The following KLHL20 variants were observed in gnomAD, a reference collection of about 807,000 sequenced individuals.
KLHL20 encodes kelch like family member 20, also known as kelch-like protein 20.
Under a neutral mutation model 69.5 loss-of-function variants are expected in KLHL20, and 29 were observed. The ratio of observed to expected loss-of-function variants is 0.42; its 90% confidence interval spans 0.31 to 0.57. The LOEUF (loss-of-function observed/expected upper bound fraction) is 0.57, where lower values mean the gene tolerates loss of function less well. Among genes scored for constraint, KLHL20 ranks in the 20% least tolerant of loss-of-function variants. The pLI, the probability that KLHL20 is intolerant of heterozygous loss-of-function variation, is 0.18. For missense variants in KLHL20, 419 were observed against 776.0 expected (o/e 0.54, Z 5.47); for synonymous variants, 253 against 265.2 (o/e 0.95, Z 0.45).
At chr1:173,745,170 C>CTTTTTTTTTTT (rs796578983) in intron 3 of KLHL20, among the ~76,000 whole-genome samples, 13 of 115,530 alleles carry the variant, frequency 1.1e-4, no homozygotes, top group East Asian at 5.3e-4. Context: ...TTTCTTTTTT[C>CTTTTTTTTTTT]TTTTTTTTTT....
intron 2 of KLHL20, among the ~76,000 whole-genome samples, chr1:173,722,751 A>G (rs929668580): frequency 2.7e-5 from 4 of 147,574 alleles, no homozygotes; most frequent in Non-Finnish European, 4.4e-5. Context: ...GTGCAGTGGC[A>G]CAATCTTGGT....
At chr1:173,780,979 G>A (rs988194179) in intron 10 of KLHL20, among the ~76,000 whole-genome samples, 27 of 146,930 alleles carry the variant, frequency 1.8e-4, no homozygotes, top group African/African-American at 6.2e-4. Context: ...GTGACAGAGC[G>A]AGACCCTGTG....
At chr1:173,738,758 T>C (rs2102479375) in intron 3 of KLHL20, among the ~76,000 whole-genome samples, 1 of 152,318 alleles carries the variant, frequency 6.6e-6, no homozygotes, top group South Asian at 2.1e-4. Flanking sequence ...GATCATATGA[T>C]TTTTATTTTT....
intron 2 of KLHL20, among the ~76,000 whole-genome samples, chr1:173,724,058 A>T (rs921719854): frequency 1.3e-5 from 2 of 152,148 alleles, no homozygotes; most frequent in African/African-American, 4.8e-5. Flanking sequence ...GAGTTTGGGC[A>T]TATGTATATA....
At chr1:173,737,136 G>T (rs1672573268) in intron 3 of KLHL20, among the ~76,000 whole-genome samples, 1 of 152,172 alleles carries the variant, frequency 6.6e-6, no homozygotes, top group Non-Finnish European at 1.5e-5. Context: ...GTCTGTGGTT[G>T]GATCTGTAGT....
At chr1:173,722,901 G>A (rs1335530159) in intron 2 of KLHL20, among the ~76,000 whole-genome samples, 1 of 151,986 alleles carries the variant, frequency 6.6e-6, no homozygotes, top group Non-Finnish European at 1.5e-5. Flanking sequence ...TGTTGGCCAG[G>A]CTGGTCTCAA....
chr1:173,717,205 A>G (rs1245174884), intron 2 of KLHL20, among the ~76,000 whole-genome samples: 1 of 152,216 alleles, frequency 6.6e-6, no homozygotes, highest in Non-Finnish European at 1.5e-5. Flanking sequence ...ATAAAATGTC[A>G]TATCTTATAT....
chr1:173,785,304 G>C lies in KLHL20; in HGVS notation c.*57G>C, dbSNP rs1558230567. 5 of 1,270,720 alleles carry C rather than the reference G, an allele frequency of 3.9e-6. No homozygotes were observed. The East Asian group carries it at 1.0e-4, about 26-fold the overall frequency. The allele number at this position is 1,270,720 out of a possible 1,614,324, so 78.7% of individuals were successfully genotyped here. A position where few individuals can be genotyped will look rare whatever the true frequency, so the allele number is the denominator to read the frequency against. On this transcript the variant is annotated 3_prime_UTR_variant, in exon 12 of 12. Coordinates refer to ENST00000209884, the MANE Select transcript of KLHL20 (RefSeq NM_014458.4). ...CTGTATTCTGGGGAGCTTTGACCTTGGAGCTTTGTACAGCTTGAGAAAACA... is the reference window on the plus strand; with the variant it reads ...CTGTATTCTGGGGAGCTTTGACCTTCGAGCTTTGTACAGCTTGAGAAAACA...
chr1:173,736,672 T>G (rs1002624733), intron 3 of KLHL20, among the ~76,000 whole-genome samples: 1 of 151,898 alleles, frequency 6.6e-6, no homozygotes, highest in East Asian at 1.9e-4. Flanking sequence ...CTCGGCTCAC[T>G]GCAACCTCCG....
intron 2 of KLHL20, among the ~76,000 whole-genome samples, chr1:173,717,540 T>G (rs1671526616): frequency 6.6e-6 from 1 of 152,178 alleles, no homozygotes; most frequent in South Asian, 2.1e-4. Context: ...GGGCTGTCAT[T>G]TTTGCTGATT....
intron 9 of KLHL20, among the ~76,000 whole-genome samples, 168 bp downstream of exon 9, chr1:173,774,606 G>A (rs74126415): frequency 0.063 from 9,519 of 152,130 alleles, 960 homozygotes; most frequent in African/African-American, 0.21. Context: ...AGCTCCCACT[G>A]TAGTCATATT....
At chr1:173,763,866 T>A (rs200373406) in intron 7 of KLHL20, among the ~76,000 whole-genome samples, 257 of 119,276 alleles carry the variant, frequency 2.2e-3, no homozygotes, top group Middle Eastern at 3.9e-3. Context: ...GCAAATGCAA[T>A]AAAAAAAAAA....
chr1:173,763,930 C>T (rs2102516885), intron 7 of KLHL20, among the ~76,000 whole-genome samples: 1 of 148,346 alleles, frequency 6.7e-6, no homozygotes, highest in East Asian at 2.0e-4. Flanking sequence ...GCAAAAGTAA[C>T]AGTCAGCAAA....
At chr1:173,734,369 G>T in intron 3 of KLHL20, 83 bp downstream of exon 3, 1 of 1,128,458 alleles carries the variant, frequency 8.9e-7, no homozygotes, top group South Asian at 1.3e-5. Context: ...ACTTGCCTGG[G>T]TATTTCCTGC....
intron 7 of KLHL20, among the ~76,000 whole-genome samples, chr1:173,765,802 TA>T (rs1441774333): frequency 6.6e-6 from 1 of 152,202 alleles, no homozygotes; most frequent in East Asian, 1.9e-4. Flanking sequence ...TATAAAGAAA[TA>T]TATATATGTG....
Position 173,782,248 on chromosome 1 carries a change from T to C in KLHL20, c.1745+18T>C. ...ACATGGAGGTAACTTTTAAGCTGTG[T>C]AGCAAATCACCTCACTACTGATTTG... On this transcript the variant is annotated intron_variant, in intron 11 of 11. Transcript: ENST00000209884. 6.4e-7 allele frequency: 1 copy of C among 1,560,706 alleles called. No homozygotes were observed. The highest frequency in any genetic ancestry group is 8.8e-7 in the Non-Finnish European group (1 of 1,131,412).
chr1:173,736,233 C>T (rs1005823650), intron 3 of KLHL20, among the ~76,000 whole-genome samples: 7 of 151,980 alleles, frequency 4.6e-5, no homozygotes, highest in Admixed American at 2.6e-4. Context: ...GGATTACAGG[C>T]GTGAGTCACT....
At chr1:173,732,477 C>T (rs548109880) in intron 2 of KLHL20, among the ~76,000 whole-genome samples, 2 of 152,202 alleles carry the variant, frequency 1.3e-5, no homozygotes, top group African/African-American at 4.8e-5. Context: ...TTTGATATAA[C>T]CTGCAGTTTA....
At chr1:173,719,600 A>G (rs1671625388) in intron 2 of KLHL20, among the ~76,000 whole-genome samples, 1 of 151,544 alleles carries the variant, frequency 6.6e-6, no homozygotes, top group African/African-American at 2.4e-5. Context: ...GCCTGATGAA[A>G]GCATAAGAAT....
Sources: gnomAD v4.1 joint callset for allele counts (sites outside exome capture counted in the v4.1 genomes callset) on GRCh38, gnomAD v4.1.1 for gene constraint, MANE v1.5 for transcripts, NCBI Gene and HGNC (gene_info 2026-07-23, HGNC 2026-07-21) for gene names.